TRIO: variants seen among roughly 807,000 people sequenced by gnomAD.
The protein encoded by TRIO is triple functional domain protein.
Under a neutral mutation model 351.9 loss-of-function variants are expected in TRIO, and 58 were observed. The ratio of observed to expected loss-of-function variants is 0.16; its 90% CI spans 0.13 to 0.21. The LOEUF is 0.21. TRIO is among the 10% of genes least tolerant of loss of function. The pLI, the probability that TRIO is intolerant of heterozygous loss-of-function variation, is 1.00. For synonymous variants in TRIO, 1,758 were observed against 1,595.7 expected, an observed-to-expected ratio of 1.10 and a Z score of -2.42; for missense variants, 3,201 against 4,027.8, an observed-to-expected ratio of 0.79 and a Z score of 5.56.
Position 14,425,014 on chromosome 5 carries a change from C to T in TRIO, c.5203+4993C>T, listed in dbSNP as rs574455919. ...CTTGTTCACCCAAGAACATGGCTAACGCACGTGAGGGTCTCTCCACTGCCC... is the reference window on the plus strand; with the variant it reads ...CTTGTTCACCCAAGAACATGGCTAATGCACGTGAGGGTCTCTCCACTGCCC... On this transcript the variant is annotated intron_variant, in intron 34 of 56. Transcript: ENST00000344204. Among the ~76,000 whole-genome samples the T allele has an allele frequency of 7.2e-5, 11 of 152,324 alleles. No individual in the cohort carries two copies. The East Asian group carries it at 1.3e-3, about 19-fold the overall frequency.
At position 14,461,056 on chromosome 5, in the gene TRIO, C is replaced by T. The variant is rs926925229; in HGVS notation, c.5241C>T (p.Pro1747=). ...LSVSSNDASP[P]ASVASLQPHM... is the part of the protein sequence containing the mutation. Reference sequence around the variant, plus strand: ...TCTCCAGCAATGACGCCAGTCCACCCGCATCCGTGGCTTCCCTCCAGCCCC... The same window carrying T: ...TCTCCAGCAATGACGCCAGTCCACCTGCATCCGTGGCTTCCCTCCAGCCCC... Residue 1747 remains proline, a synonymous_variant, in exon 35 of 57, where the codon CCC becomes CCT. Coordinates refer to ENST00000344204, the MANE Select transcript of TRIO (RefSeq NM_007118.4). 1.3e-6 allele frequency: 2 copies of T among 1,582,508 alleles called. No homozygotes were observed. The highest frequency in any genetic ancestry group is 1.7e-6 in the Non-Finnish European group (2 of 1,164,980).
chr5:14,218,535 A>G (rs556489973), intron 1 of TRIO, among the ~76,000 whole-genome samples: 10 of 152,226 alleles, frequency 6.6e-5, no homozygotes, highest in Non-Finnish European at 1.5e-4. Context: ...CTCAAAACCC[A>G]ACAACATAAT....
chr5:14,357,689 C>T (rs538852162), intron 11 of TRIO, among the ~76,000 whole-genome samples: 1 of 152,104 alleles, frequency 6.6e-6, no homozygotes, highest in East Asian at 1.9e-4. Flanking sequence ...GTGGTGAATT[C>T]CTCTCATCAC....
chr5:14,382,550 G>T (rs543593340), intron 21 of TRIO, among the ~76,000 whole-genome samples: 1 of 152,314 alleles, frequency 6.6e-6, no homozygotes, highest in South Asian at 2.1e-4. Flanking sequence ...GGAGGGCAGG[G>T]CGCAGGACCA....
intron 34 of TRIO, among the ~76,000 whole-genome samples, chr5:14,434,622 G>A (rs551946290): frequency 8.3e-4 from 126 of 152,128 alleles, no homozygotes; most frequent in Non-Finnish European, 1.7e-3. Flanking sequence ...GATGAAAATC[G>A]GGCATGAACC....
chr5:14,190,631 C>T (rs1436083247), intron 1 of TRIO, among the ~76,000 whole-genome samples: 4 of 152,150 alleles, frequency 2.6e-5, no homozygotes, highest in African/African-American at 9.7e-5. Context: ...ATAAAGAATG[C>T]TTTAAGTTGT....
chr5:14,383,355 G>A (rs1746278524), intron 21 of TRIO, among the ~76,000 whole-genome samples: 1 of 152,176 alleles, frequency 6.6e-6, no homozygotes, highest in South Asian at 2.1e-4. Flanking sequence ...TGTATGGCCA[G>A]ACAGCCTGCT....
intron 1 of TRIO, among the ~76,000 whole-genome samples, chr5:14,226,812 G>A (rs1793068154): frequency 6.6e-6 from 1 of 152,228 alleles, no homozygotes; most frequent in South Asian, 2.1e-4. Flanking sequence ...CCCAGGGTTC[G>A]GAGACGTGGA....
Position 14,358,025 on chromosome 5 carries a change from G to A in TRIO, c.2047-153G>A, listed in dbSNP as rs529096706. On this transcript the variant is annotated intron_variant, in intron 11 of 56. Transcript: ENST00000344204. ...GTGGGACTGGATGCCCCTCCCTCCCGTCCTTCCTTCCTTCCCTCCGGGAGT... is the reference window on the plus strand; with the variant it reads ...GTGGGACTGGATGCCCCTCCCTCCCATCCTTCCTTCCTTCCCTCCGGGAGT... 1.2e-3 allele frequency among the ~76,000 whole-genome samples: 178 copies of A among 152,078 alleles called. 1 individual carries two copies. The highest frequency in any genetic ancestry group is 3.9e-3 in the African/African-American group (163 of 41,486).
chr5:14,165,930 A>G (rs956769700), intron 1 of TRIO, among the ~76,000 whole-genome samples: 1 of 152,190 alleles, frequency 6.6e-6, no homozygotes, highest in Admixed American at 6.5e-5. Context: ...GAGTGAATGA[A>G]TGCCTTTCTT....
Position 14,326,644 on chromosome 5 carries a change from T to A in TRIO, c.1732-4134T>A, listed in dbSNP as rs181486292. On this transcript the variant is annotated intron_variant, in intron 9 of 56. Transcript: ENST00000344204. Reference sequence around the variant, plus strand: ...AGCAGCAAGCCCCAGGCCAGCCTTATTGTCTGTGGAGTTGAGGACACAGAG... The same window carrying A: ...AGCAGCAAGCCCCAGGCCAGCCTTAATGTCTGTGGAGTTGAGGACACAGAG... 9.8e-5 allele frequency among the ~76,000 whole-genome samples: 15 copies of A among 152,330 alleles called. No homozygotes were observed. In the East Asian group the frequency reaches 2.7e-3, roughly 27 times the overall value.
chr5:14,335,833 C>T (rs1159711802), intron 10 of TRIO, among the ~76,000 whole-genome samples: 1 of 151,976 alleles, frequency 6.6e-6, no homozygotes, highest in Non-Finnish European at 1.5e-5. Flanking sequence ...GGCATGGTAG[C>T]GCATGTCTGT....
Position 14,509,232 on chromosome 5 carries a change from A to T in TRIO, c.*810A>T, listed in dbSNP as rs1757927862. The T allele has an allele frequency of 5.8e-6, 2 of 347,446 alleles. No individual in the cohort carries two copies. The highest frequency in any genetic ancestry group is 1.1e-5 in the Non-Finnish European group (2 of 180,050). 21.5% of individuals were successfully genotyped at this position (347,446 alleles called of 1,614,324 possible). ...AGTCAGATGAAAATACTGTAAATGCACTCATTGGGGGTTTTTTGGTTTTAC... is the reference window on the plus strand; with the variant it reads ...AGTCAGATGAAAATACTGTAAATGCTCTCATTGGGGGTTTTTTGGTTTTAC... On this transcript the variant is annotated 3_prime_UTR_variant, in exon 57 of 57. Transcript: ENST00000344204.
intron 9 of TRIO, among the ~76,000 whole-genome samples, chr5:14,326,436 A>G (rs1174797837): frequency 6.6e-6 from 1 of 152,242 alleles, no homozygotes; most frequent in African/African-American, 2.4e-5. Flanking sequence ...CCACTTTGGA[A>G]CAACCGTGAC....
At chr5:14,359,030 C>T (rs1011317005) in intron 12 of TRIO, among the ~76,000 whole-genome samples, 6 of 152,156 alleles carry the variant, frequency 3.9e-5, no homozygotes, top group Non-Finnish European at 8.8e-5. Context: ...GTCATTTATA[C>T]TAACCAGGTA....
intron 1 of TRIO, among the ~76,000 whole-genome samples, chr5:14,228,464 G>C (rs1236443656): frequency 6.6e-6 from 1 of 152,252 alleles, no homozygotes; most frequent in East Asian, 1.9e-4. Flanking sequence ...TAGCATAACT[G>C]CAGCAGCACA....
intron 20 of TRIO, among the ~76,000 whole-genome samples, chr5:14,380,192 T>C (rs1045488556): frequency 6.6e-6 from 1 of 152,220 alleles, no homozygotes; most frequent in Non-Finnish European, 1.5e-5. Context: ...CGGTTCCCTG[T>C]CTCCGTGTCC....
At chr5:14,186,183 T>G (rs940500886) in intron 1 of TRIO, among the ~76,000 whole-genome samples, 1 of 152,242 alleles carries the variant, frequency 6.6e-6, no homozygotes, top group Non-Finnish European at 1.5e-5. Context: ...TTGCCTGAGC[T>G]GGAGACAGCC....
chr5:14,475,101 C>G (rs1299667820), intron 40 of TRIO, among the ~76,000 whole-genome samples: 6 of 152,206 alleles, frequency 3.9e-5, no homozygotes, highest in South Asian at 2.1e-4. Context: ...CGTAGCTCAC[C>G]TTGGCTACCA....
Sources: allele counts gnomAD v4.1 joint callset (sites outside exome capture counted in the v4.1 genomes callset), GRCh38; gene constraint gnomAD v4.1.1; transcripts MANE v1.5; gene names NCBI Gene and HGNC (gene_info 2026-07-23, HGNC 2026-07-21).